Variants in CASP6 observed in about 807,000 individuals in gnomAD.
CASP6 encodes caspase 6, also known as caspase-6.
In CASP6, 20 loss-of-function variants were observed where a neutral mutation model predicts 31.8. That is an observed-to-expected ratio of 0.63 (90% CI 0.44 to 0.91). The LOEUF is 0.91. Ranked by LOEUF, CASP6 falls within the 40% of genes least tolerant of loss-of-function variation. CASP6 has a pLI of 0.00. For missense variants in CASP6, 328 were observed against 361.1 expected (o/e 0.91, Z 0.74); for synonymous variants, 130 against 127.8 (o/e 1.02, Z -0.12).
chr4:109,667,480 G>A, the CASP6 span, among the ~76,000 whole-genome samples: 4 of 150,332 alleles, frequency 2.7e-5, no homozygotes, highest in Non-Finnish European at 4.4e-5. Context: ...TTTTTTTCTT[G>A]ATTAACCTGG....
At chr4:109,709,666 A>G in the CASP6 span, among the ~76,000 whole-genome samples, 1 of 152,228 alleles carries the variant, frequency 6.6e-6, no homozygotes. Context: ...TAAAAGTGGA[A>G]CTTATTAAAA....
chr4:109,703,845 G>A (rs574822872), upstream of CASP6, among the ~76,000 whole-genome samples: 9 of 152,150 alleles, frequency 5.9e-5, no homozygotes, highest in Non-Finnish European at 1.3e-4. Context: ...GGCATAGATT[G>A]TTTTATACCG....
At chr4:109,684,573 T>G (rs142171148), downstream of CASP6, 11 of 1,605,398 alleles carry the variant, frequency 6.9e-6, no homozygotes, top group African/African-American at 1.3e-5. Flanking sequence ...TGGGATATCA[T>G]GGAGCCAGTT....
At chr4:109,671,280 G>A in the CASP6 span, among the ~76,000 whole-genome samples, 6 of 152,142 alleles carry the variant, frequency 3.9e-5, no homozygotes, top group Non-Finnish European at 7.4e-5. Flanking sequence ...CTTTTGGACA[G>A]TTCTCAGCCA....
the CASP6 span, among the ~76,000 whole-genome samples, chr4:109,678,705 G>A: frequency 4.9e-4 from 67 of 137,472 alleles, no homozygotes; most frequent in East Asian, 8.2e-3. Context: ...CTTCCCAGAC[G>A]GGGTGGTGGC....
At chr4:109,699,828 T>G (rs1279446542) in intron 1 of CASP6, among the ~76,000 whole-genome samples, 1 of 152,236 alleles carries the variant, frequency 6.6e-6, no homozygotes, top group Non-Finnish European at 1.5e-5. Context: ...GGGATTTCAC[T>G]CTTCCCATTT....
chr4:109,665,405 T>C, the CASP6 span, among the ~76,000 whole-genome samples: 3 of 152,172 alleles, frequency 2.0e-5, no homozygotes, highest in African/African-American at 7.2e-5. Context: ...ATTGGTTTCC[T>C]TATAGTTGTT....
At chr4:109,706,166 T>TATATATATATATATAC (rs1730613203), upstream of CASP6, among the ~76,000 whole-genome samples, 4 of 92,040 alleles carry the variant, frequency 4.3e-5, no homozygotes, top group African/African-American at 2.4e-4. Flanking sequence ...TATATATATA[T>TATATATATATATATAC]ATATACACAC....
At chr4:109,681,450 G>T in the CASP6 span, 1 of 453,684 alleles carries the variant, frequency 2.2e-6, no homozygotes, top group Admixed American at 2.4e-5. Context: ...GTTACCGGGG[G>T]TCCTTGCTCC....
the CASP6 span, chr4:109,683,015 C>T: frequency 0.02 from 5,731 of 291,648 alleles, 329 homozygotes; most frequent in African/African-American, 0.12. Flanking sequence ...GCCATGCCTC[C>T]TCTCCAGAGA....
chr4:109,705,974 TAAAAAA>T (rs59584573), upstream of CASP6, among the ~76,000 whole-genome samples: 26 of 29,358 alleles, frequency 8.9e-4, no homozygotes, highest in African/African-American at 1.8e-3. Flanking sequence ...AGACACTCTT[TAAAAAA>T]AAAAAAAAAA....
Position 109,689,493 on chromosome 4 carries a change from C to T in CASP6, c.719G>A (p.Gly240Asp), listed in dbSNP as rs775658986. 6.2e-7 allele frequency: 1 copy of T among 1,614,152 alleles called. No individual in the cohort carries two copies. Among genetic ancestry groups the T allele is most frequent in the South Asian group, 1.1e-5 (1 of 91,072 alleles). Residue 240 changes from glycine to aspartate, a missense_variant, in exon 7 of 7, where the codon GGC (glycine) becomes GAC (aspartate). Coordinates refer to ENST00000265164, the MANE Select transcript of CASP6 (RefSeq NM_001226.4). Reference protein sequence around the residue: ...QDLCEMLGKYGSSLEFTELLT... With the variant: ...QDLCEMLGKYDSSLEFTELLT... ...GAGTTCTGTGAACTCTAAGGAGGAG[C>T]CATATTTTCCCAACATCTCACACAA...
downstream of CASP6, chr4:109,687,864 A>C: frequency 2.6e-6 from 1 of 390,264 alleles, no homozygotes. Context: ...TTTATTCTCT[A>C]TGTGGAGGTG....
downstream of CASP6, chr4:109,684,709 C>A (rs1466316025): frequency 1.5e-5 from 12 of 783,380 alleles, no homozygotes; most frequent in Admixed American, 9.8e-5. Context: ...CTTATCTAAG[C>A]AATGAGCAAA....
upstream of CASP6, among the ~76,000 whole-genome samples, chr4:109,706,184 T>TAC (rs1216833710): frequency 8.8e-6 from 1 of 113,736 alleles, no homozygotes; most frequent in Non-Finnish European, 1.7e-5. Context: ...CACACACATA[T>TAC]ACACACACAC....
At chr4:109,679,840 C>T in the CASP6 span, among the ~76,000 whole-genome samples, 101,963 of 151,504 alleles carry the variant, frequency 0.67, 34,530 homozygotes, top group South Asian at 0.74. Flanking sequence ...CTCTCTGTGT[C>T]ACCCAGGCTG....
At chr4:109,681,176 G>A in the CASP6 span, among the ~76,000 whole-genome samples, 1 of 152,196 alleles carries the variant, frequency 6.6e-6, no homozygotes, top group Non-Finnish European at 1.5e-5. Context: ...TCCAAGGAAT[G>A]AGTAATTCTC....
At chr4:109,667,998 G>A in the CASP6 span, among the ~76,000 whole-genome samples, 65 of 151,808 alleles carry the variant, frequency 4.3e-4, no homozygotes, top group Non-Finnish European at 4.9e-4. Context: ...ACTGAGATCC[G>A]AAAGCATACA....
At chr4:109,670,661 A>G in the CASP6 span, among the ~76,000 whole-genome samples, 44 of 152,008 alleles carry the variant, frequency 2.9e-4, no homozygotes, top group African/African-American at 1.1e-3. Flanking sequence ...AGCTGCAGTG[A>G]GCCAAGATCA....
Sources: gnomAD v4.1 joint callset for allele counts (sites outside exome capture counted in the v4.1 genomes callset) on GRCh38, gnomAD v4.1.1 for gene constraint, MANE v1.5 for transcripts, NCBI Gene and HGNC (gene_info 2026-07-23, HGNC 2026-07-21) for gene names.